Variants in NXPH1 observed in about 807,000 individuals in gnomAD.
NXPH1 encodes neurexophilin 1.
Under a neutral mutation model 23.7 loss-of-function variants are expected in NXPH1, and 5 were observed. That is an observed-to-expected ratio of 0.21 (90% CI 0.11 to 0.44). The LOEUF (loss-of-function observed/expected upper bound fraction) is 0.44. Ranked by LOEUF, NXPH1 falls within the 20% of genes least tolerant of loss-of-function variation. The pLI, the probability that NXPH1 is intolerant of heterozygous loss-of-function variation, is 0.99. For missense variants in NXPH1, 324 were observed against 321.6 expected (o/e 1.01, Z -0.06); for synonymous variants, 144 against 122.2 (o/e 1.18, Z -1.18).
At chr7:8,500,916 G>T (rs1455688623) in intron 2 of NXPH1, among the ~76,000 whole-genome samples, 1 of 152,028 alleles carries the variant, frequency 6.6e-6, no homozygotes, top group Non-Finnish European at 1.5e-5. Context: ...GCCTGAATTT[G>T]AATATACACG....
intron 2 of NXPH1, among the ~76,000 whole-genome samples, chr7:8,604,504 C>T (rs7802159): frequency 0.34 from 51,609 of 151,892 alleles, 9,608 homozygotes; most frequent in African/African-American, 0.5. Context: ...AGTAGATTGC[C>T]TTTCTCTCAC....
chr7:8,665,255 C>T (rs1245075095), intron 2 of NXPH1, among the ~76,000 whole-genome samples: 1 of 152,020 alleles, frequency 6.6e-6, no homozygotes. Flanking sequence ...CCAAATGTTT[C>T]AGCACCATTT....
chr7:8,541,845 G>A (rs551719233), intron 2 of NXPH1, among the ~76,000 whole-genome samples: 1 of 151,454 alleles, frequency 6.6e-6, no homozygotes, highest in African/African-American at 2.4e-5. Context: ...CTCTAAAGCA[G>A]TAACTAAAAT....
intron 2 of NXPH1, among the ~76,000 whole-genome samples, chr7:8,682,800 T>C (rs1476782797): frequency 1.3e-5 from 2 of 152,220 alleles, no homozygotes; most frequent in Admixed American, 1.3e-4. Flanking sequence ...ATATGCCATT[T>C]AAAGGAATGC....
chr7:8,709,670 C>T (rs906193079), intron 2 of NXPH1, among the ~76,000 whole-genome samples: 1 of 152,212 alleles, frequency 6.6e-6, no homozygotes, highest in Admixed American at 6.5e-5. Flanking sequence ...TAAATCAGAA[C>T]ATTCACTTCA....
intron 2 of NXPH1, among the ~76,000 whole-genome samples, chr7:8,510,741 T>A (rs1327957045): frequency 6.8e-6 from 1 of 147,078 alleles, no homozygotes; most frequent in East Asian, 1.9e-4. Flanking sequence ...ATGTATGTAT[T>A]TATAACCACT....
At chr7:8,723,762 C>CTAGATAATGCGGAGT (rs1213273264) in intron 2 of NXPH1, among the ~76,000 whole-genome samples, 1 of 152,030 alleles carries the variant, frequency 6.6e-6, no homozygotes, top group Non-Finnish European at 1.5e-5. Flanking sequence ...TTATGGGGAG[C>CTAGATAATGCGGAGT]TAGATAATGC....
intron 2 of NXPH1, among the ~76,000 whole-genome samples, chr7:8,483,495 G>C (rs962992325): frequency 1.3e-5 from 2 of 151,984 alleles, no homozygotes; most frequent in Non-Finnish European, 2.9e-5. Context: ...TTTCTGTAGA[G>C]ACTGGGTTTC....
At chr7:8,565,091 G>A (rs920096655) in intron 2 of NXPH1, among the ~76,000 whole-genome samples, 6 of 151,738 alleles carry the variant, frequency 4.0e-5, no homozygotes, top group Admixed American at 6.6e-5. Context: ...CATATAAGAC[G>A]GCACCACAAA....
intron 2 of NXPH1, among the ~76,000 whole-genome samples, chr7:8,736,293 G>A (rs1335808678): frequency 1.3e-5 from 2 of 152,126 alleles, no homozygotes; most frequent in Non-Finnish European, 2.9e-5. Flanking sequence ...TCTAAACACT[G>A]CTTTAGCTGT....
intron 2 of NXPH1, among the ~76,000 whole-genome samples, chr7:8,639,792 A>G (rs9655524): frequency 0.35 from 53,249 of 151,972 alleles, 10,213 homozygotes; most frequent in African/African-American, 0.51. Flanking sequence ...AGGGGTTTCC[A>G]CTTTCACTTC....
intron 2 of NXPH1, among the ~76,000 whole-genome samples, chr7:8,663,660 T>C (rs1820716620): frequency 6.6e-6 from 1 of 152,092 alleles, no homozygotes; most frequent in Non-Finnish European, 1.5e-5. Flanking sequence ...AATAGTCTGA[T>C]TTATGAAAAT....
At chr7:8,437,745 A>G (rs1816221189) in intron 2 of NXPH1, among the ~76,000 whole-genome samples, 1 of 152,254 alleles carries the variant, frequency 6.6e-6, no homozygotes, top group Admixed American at 6.5e-5. Flanking sequence ...TTCTCCTTTA[A>G]TTGTAAACTG....
chr7:8,443,145 A>G (rs1351760420), intron 2 of NXPH1, among the ~76,000 whole-genome samples: 1 of 152,096 alleles, frequency 6.6e-6, no homozygotes, highest in African/African-American at 2.4e-5. Flanking sequence ...TACCCCTTCC[A>G]GCTATTCGGG....
chr7:8,690,343 T>C (rs940813386), intron 2 of NXPH1: 3 of 152,206 alleles, frequency 2.0e-5, no homozygotes, highest in African/African-American at 7.2e-5. Flanking sequence ...ATGAAGAAAT[T>C]TGGTGAGCTA....
chr7:8,615,094 C>A (rs1244915603), intron 2 of NXPH1, among the ~76,000 whole-genome samples: 1 of 151,966 alleles, frequency 6.6e-6, no homozygotes, highest in Admixed American at 6.6e-5. Flanking sequence ...TCAAATGAAA[C>A]TGTATGACGC....
At chr7:8,634,606 T>A (rs1198652083) in intron 2 of NXPH1, among the ~76,000 whole-genome samples, 1 of 151,418 alleles carries the variant, frequency 6.6e-6, no homozygotes, top group East Asian at 2.0e-4. Flanking sequence ...AGGTATAAAA[T>A]TCTTTGGAGT....
At chr7:8,578,737 C>A (rs1317333626) in intron 2 of NXPH1, among the ~76,000 whole-genome samples, 1 of 152,042 alleles carries the variant, frequency 6.6e-6, no homozygotes, top group East Asian at 1.9e-4. Context: ...ATGCTTGCTG[C>A]CAAGGATCAG....
At chr7:8,583,170 T>A (rs1255338637) in intron 2 of NXPH1, among the ~76,000 whole-genome samples, 2 of 152,242 alleles carry the variant, frequency 1.3e-5, no homozygotes, top group East Asian at 3.8e-4. Context: ...TAATGAGGAC[T>A]CCCATCCTGA....
Sources: allele counts gnomAD v4.1 joint callset (sites outside exome capture counted in the v4.1 genomes callset), GRCh38; gene constraint gnomAD v4.1.1; transcripts MANE v1.5; gene names NCBI Gene and HGNC (gene_info 2026-07-23, HGNC 2026-07-21).